GALNT2: variants seen among roughly 807,000 people sequenced by gnomAD.
GALNT2 encodes UDP-GalNAc:polypeptide N-acetylgalactosaminyltransferase 2.
Under a neutral mutation model 81.4 loss-of-function variants are expected in GALNT2, and 31 were observed. The observed-to-expected ratio is 0.38, with a 90% CI of 0.29 to 0.51. The LOEUF is 0.51. Among genes scored for constraint, GALNT2 ranks in the 20% least tolerant of loss-of-function variants. The probability of loss-of-function intolerance (pLI) is 0.87; values close to 1 mark genes in which losing one functional copy is unlikely to be tolerated. For synonymous variants in GALNT2, 303 were observed against 287.4 expected, an observed-to-expected ratio of 1.05 and a Z score of -0.55; for missense variants, 629 against 765.7, an observed-to-expected ratio of 0.82 and a Z score of 2.11.
rs569084569 is a variant in GALNT2, at chr1:230,139,389, G to C, written c.127-38829G>C. Among the ~76,000 whole-genome samples, 3 of 152,284 alleles carry C rather than the reference G, an allele frequency of 2.0e-5. No individual in the cohort carries two copies. The East Asian group carries it at 5.8e-4, about 29-fold the overall frequency. ...CTCGGTTCCCTGCCACAACTTCCAA[G>C]CTGCATGGGACACACCAAGACCCCT... is the stretch of plus-strand genomic sequence containing the variant. On this transcript the variant is annotated intron_variant, in intron 1 of 15. Transcript: ENST00000366672.
At chr1:230,102,630 G>T (rs2102779515) in intron 1 of GALNT2, among the ~76,000 whole-genome samples, 1 of 152,176 alleles carries the variant, frequency 6.6e-6, no homozygotes, top group South Asian at 2.1e-4. Context: ...ACATAAAGCT[G>T]CCCAGGCTTA....
intron 1 of GALNT2, among the ~76,000 whole-genome samples, chr1:230,105,683 G>T (rs1406461018): frequency 1.3e-5 from 2 of 152,184 alleles, no homozygotes; most frequent in African/African-American, 4.8e-5. Flanking sequence ...GCGTCTGTCG[G>T]TGCTGTCTCA....
intron 1 of GALNT2, among the ~76,000 whole-genome samples, chr1:230,126,397 A>T (rs1661177551): frequency 6.6e-6 from 1 of 152,078 alleles, no homozygotes. Flanking sequence ...AGAGGGAGGG[A>T]TGGAAGGTTG....
At chr1:230,078,449 A>AT (rs1558273068) in intron 1 of GALNT2, among the ~76,000 whole-genome samples, 1 of 152,198 alleles carries the variant, frequency 6.6e-6, no homozygotes, top group East Asian at 1.9e-4. Context: ...GAAAACTAGT[A>AT]TTTTTGTAAA....
chr1:230,148,496 C>T (rs1325179009), intron 1 of GALNT2, among the ~76,000 whole-genome samples: 6 of 152,364 alleles, frequency 3.9e-5, no homozygotes, highest in South Asian at 2.1e-4. Flanking sequence ...GGCGGCTCCA[C>T]GCCTTGCTTC....
intron 1 of GALNT2, among the ~76,000 whole-genome samples, chr1:230,099,706 C>T (rs532501583): frequency 6.6e-6 from 1 of 152,342 alleles, no homozygotes; most frequent in African/African-American, 2.4e-5. Context: ...AGGTGTCTGC[C>T]TTCTTCCTAG....
At chr1:230,068,633 G>T (rs190994828) in intron 1 of GALNT2, among the ~76,000 whole-genome samples, 1 of 152,262 alleles carries the variant, frequency 6.6e-6, no homozygotes, top group East Asian at 1.9e-4. Flanking sequence ...TCCACGCCGG[G>T]GTTTGGCTGC....
intron 6 of GALNT2, among the ~76,000 whole-genome samples, chr1:230,239,150 T>C (rs1440997705): frequency 6.6e-6 from 1 of 152,238 alleles, no homozygotes; most frequent in African/African-American, 2.4e-5. Context: ...GTCGGATTAG[T>C]ATTACTATTT....
At chr1:230,119,626 A>G (rs77743839) in intron 1 of GALNT2, among the ~76,000 whole-genome samples, 7,331 of 152,178 alleles carry the variant, frequency 0.048, 538 homozygotes, top group East Asian at 0.33. Context: ...GGCTGTTTGT[A>G]TAAAGAGAAC....
intron 3 of GALNT2, among the ~76,000 whole-genome samples, chr1:230,222,031 C>CTTTTTTTTTTTTTTTTT (rs564681409): frequency 0.096 from 9,105 of 94,844 alleles, 2,647 homozygotes; most frequent in East Asian, 0.54. Context: ...CTGCTTTTCT[C>CTTTTTTTTTTTTTTTTT]TTTTTTTTTT....
chr1:230,274,993 A>ACATATATACATGCTACATATATG (rs1666248246), intron 15 of GALNT2, among the ~76,000 whole-genome samples: 1 of 151,886 alleles, frequency 6.6e-6, no homozygotes, highest in East Asian at 1.9e-4. Flanking sequence ...CTACATATAT[A>ACATATATACATGCTACATATATG]CATATATACA....
intron 13 of GALNT2, 127 bp from the exon 14 acceptor site, chr1:230,265,114 G>A (rs1161960226): frequency 3.2e-6 from 4 of 1,245,448 alleles, no homozygotes; most frequent in Non-Finnish European, 3.5e-6. Flanking sequence ...GAAGAGGCAC[G>A]ATGCCTAGTC....
intron 1 of GALNT2, among the ~76,000 whole-genome samples, chr1:230,166,999 G>A (rs1662623506): frequency 6.6e-6 from 1 of 152,178 alleles, no homozygotes; most frequent in African/African-American, 2.4e-5. Flanking sequence ...GATTTGTGAT[G>A]AGATAAGTCA....
intron 14 of GALNT2, among the ~76,000 whole-genome samples, chr1:230,269,188 C>CT (rs397972608): frequency 0.11 from 11,624 of 105,614 alleles, 2,020 homozygotes; most frequent in East Asian, 0.61. Flanking sequence ...GTTGCCCAGG[C>CT]TTTTTTTTTT....
At chr1:230,090,192 G>A (rs1477083310) in intron 1 of GALNT2, among the ~76,000 whole-genome samples, 1 of 152,178 alleles carries the variant, frequency 6.6e-6, no homozygotes, top group Non-Finnish European at 1.5e-5. Flanking sequence ...TAGAATGAAT[G>A]TAATTTCCAA....
chr1:230,110,970 ATTG>A (rs1424741657), intron 1 of GALNT2, among the ~76,000 whole-genome samples: 2 of 151,970 alleles, frequency 1.3e-5, no homozygotes, highest in Non-Finnish European at 2.9e-5. Context: ...AGTAATTAGA[ATTG>A]TTGTTCATAC....
At chr1:230,081,874 C>T (rs540006385) in intron 1 of GALNT2, among the ~76,000 whole-genome samples, 15 of 152,342 alleles carry the variant, frequency 9.8e-5, no homozygotes, top group African/African-American at 2.4e-4. Flanking sequence ...GCTGTTACTA[C>T]GGAGTAGCTG....
intron 3 of GALNT2, among the ~76,000 whole-genome samples, chr1:230,221,065 G>A (rs1200262767): frequency 1.3e-5 from 2 of 152,170 alleles, no homozygotes; most frequent in Non-Finnish European, 2.9e-5. Flanking sequence ...ATTGTCTCTG[G>A]TGAACATCCT....
intron 1 of GALNT2, among the ~76,000 whole-genome samples, chr1:230,168,755 T>C (rs532408421): frequency 6.6e-6 from 1 of 152,372 alleles, no homozygotes; most frequent in South Asian, 2.1e-4. Flanking sequence ...AGAAAGTTCC[T>C]ATATATATCA....
Sources: gnomAD v4.1 joint callset for allele counts (sites outside exome capture counted in the v4.1 genomes callset) on GRCh38, gnomAD v4.1.1 for gene constraint, MANE v1.5 for transcripts, NCBI Gene and HGNC (gene_info 2026-07-23, HGNC 2026-07-21) for gene names.